The following ATF1 variants were observed in gnomAD, a reference collection of about 807,000 sequenced individuals.
ATF1 encodes the protein activating transcription factor 1.
Under a neutral mutation model 34.7 loss-of-function variants are expected in ATF1, and 16 were observed. The observed-to-expected ratio is 0.46, with a 90% CI of 0.31 to 0.70. The LOEUF (loss-of-function observed/expected upper bound fraction) is 0.70. Among genes scored for constraint, ATF1 ranks in the 30% least tolerant of loss-of-function variants. The pLI is 0.05. For synonymous variants in ATF1, 105 were observed against 113.1 expected (o/e 0.93, Z 0.46); for missense variants, 255 against 321.6 (o/e 0.79, Z 1.58).
intron 1 of ATF1, among the ~76,000 whole-genome samples, chr12:50,768,949 G>C (rs1396338889): frequency 1.3e-5 from 2 of 152,188 alleles, no homozygotes; most frequent in African/African-American, 2.4e-5. Flanking sequence ...AGCTGTGCTG[G>C]AGAGTCAGCT....
intron 2 of ATF1, among the ~76,000 whole-genome samples, chr12:50,784,119 C>A (rs957789858): frequency 6.6e-6 from 1 of 151,534 alleles, no homozygotes; most frequent in Non-Finnish European, 1.5e-5. Flanking sequence ...GCCGTGATTG[C>A]ACCATTGCAC....
chr12:50,779,490 T>A (rs1941006535), intron 1 of ATF1, among the ~76,000 whole-genome samples: 1 of 152,074 alleles, frequency 6.6e-6, no homozygotes, highest in Non-Finnish European at 1.5e-5. Flanking sequence ...TAGTTTTCAG[T>A]GCATTTCCTT....
chr12:50,810,681 A>G (rs933253515), intron 4 of ATF1, among the ~76,000 whole-genome samples: 2 of 152,116 alleles, frequency 1.3e-5, no homozygotes, highest in Non-Finnish European at 2.9e-5. Context: ...TGTGCTGCCC[A>G]TTTGTTATCT....
At chr12:50,777,789 A>G (rs1940961020) in intron 1 of ATF1, among the ~76,000 whole-genome samples, 1 of 151,712 alleles carries the variant, frequency 6.6e-6, no homozygotes, top group African/African-American at 2.4e-5. Context: ...TCAAAAAAAA[A>G]AAAATGTTTT....
chr12:50,810,006 G>C (rs1397949897), intron 4 of ATF1, among the ~76,000 whole-genome samples: 1 of 151,376 alleles, frequency 6.6e-6, no homozygotes, highest in Non-Finnish European at 1.5e-5. Flanking sequence ...GCTAATTTTT[G>C]TATTTTTAGT....
At position 50,809,593 on chromosome 12, in the gene ATF1, T is replaced by C. The variant is rs4986838; in HGVS notation, c.328+4T>C. On this transcript the variant is annotated splice_donor_region_variant and intron_variant, in intron 4 of 6. Coordinates refer to ENST00000262053, the MANE Select transcript of ATF1 (RefSeq NM_005171.5). ...CAGACTAGCAGCGGACAGTACAGTATGTATAGGAATCAGTTTCCACATTAT... is the reference window on the plus strand; with the variant it reads ...CAGACTAGCAGCGGACAGTACAGTACGTATAGGAATCAGTTTCCACATTAT... 0.38 allele frequency: 605,049 copies of C among 1,603,416 alleles called. 116,632 individuals are homozygous for C. Among genetic ancestry groups the C allele is most frequent in the Non-Finnish European group, 0.4 (466,741 of 1,173,762 alleles).
intron 1 of ATF1, among the ~76,000 whole-genome samples, chr12:50,772,690 C>G (rs537066629): frequency 6.6e-6 from 1 of 151,594 alleles, no homozygotes; most frequent in South Asian, 2.1e-4. Context: ...CTCTCTCTCT[C>G]TCTCTTTTAT....
rs561532287 is a variant in ATF1 at position 50,805,221 on chromosome 12, A to C, written c.195-4235A>C. 9.2e-5 allele frequency among the ~76,000 whole-genome samples: 14 copies of C among 152,146 alleles called. No individual in the cohort carries two copies. In the South Asian group the frequency reaches 2.9e-3, roughly 32 times the overall value. On this transcript the variant is annotated intron_variant, in intron 3 of 6. Coordinates refer to ENST00000262053, the MANE Select transcript of ATF1 (RefSeq NM_005171.5). The stretch of plus-strand genomic sequence containing the variant: ...AAATTTAAAAGAACTGAAATCATGC[A>C]CAGTATGCTCTGTGATCATACTGGA...
At position 50,795,996 on chromosome 12, in the gene ATF1, C is replaced by T. The variant is rs567759490; in HGVS notation, c.181C>T (p.Arg61Cys). The change falls in exon 3 of 7, where the codon CGC (arginine) becomes TGC (cysteine). Residue 61 changes from arginine (R) to cysteine (C), a missense_variant. Physicochemically the swap from Arg to Cys is radical, Grantham distance 180. Coordinates refer to ENST00000262053, the MANE Select transcript of ATF1 (RefSeq NM_005171.5). ...GAAAGCCCACGGGATCCTAGCACGGCGCCCATCTTACAGGTGAGTACTCTC... is the reference window on the plus strand; with the variant it reads ...GAAAGCCCACGGGATCCTAGCACGGTGCCCATCTTACAGGTGAGTACTCTC... ...SQKAHGILAR[R>C]PSYRKILKDL... The T allele has an allele frequency of 1.9e-5, 31 of 1,611,564 alleles. No individual in the cohort carries two copies. The highest frequency in any genetic ancestry group is 1.7e-4 in the Middle Eastern group (1 of 6,028).
intron 1 of ATF1, among the ~76,000 whole-genome samples, chr12:50,771,868 A>G (rs1284593545): frequency 6.6e-6 from 1 of 152,186 alleles, no homozygotes; most frequent in Non-Finnish European, 1.5e-5. Flanking sequence ...CAGCGCCATG[A>G]CAGTTCACAA....
chr12:50,806,424 C>A, intron 3 of ATF1: 1 of 478,342 alleles, frequency 2.1e-6, no homozygotes, highest in South Asian at 1.6e-5. Flanking sequence ...TGGTTCCCAT[C>A]AACACCAGGT....
intron 1 of ATF1, among the ~76,000 whole-genome samples, chr12:50,770,011 C>T (rs1940733359): frequency 6.6e-6 from 1 of 152,070 alleles, no homozygotes; most frequent in Non-Finnish European, 1.5e-5. Context: ...GTTGCTGATC[C>T]TTTGTTTTGT....
intron 4 of ATF1, among the ~76,000 whole-genome samples, chr12:50,812,886 T>A (rs1250959921): frequency 6.6e-6 from 1 of 152,042 alleles, no homozygotes; most frequent in Non-Finnish European, 1.5e-5. Flanking sequence ...AACTCATAAA[T>A]TAAAGTTGGG....
intron 2 of ATF1, among the ~76,000 whole-genome samples, chr12:50,786,942 A>AT (rs1941197270): frequency 6.6e-6 from 1 of 152,230 alleles, no homozygotes; most frequent in South Asian, 2.1e-4. Context: ...GGCAAGAACA[A>AT]TGAGAAAAAC....
intron 3 of ATF1, among the ~76,000 whole-genome samples, chr12:50,804,619 C>T (rs933081100): frequency 2.0e-5 from 3 of 152,152 alleles, no homozygotes; most frequent in Non-Finnish European, 4.4e-5. Flanking sequence ...CCACTACACT[C>T]TAGTGTGGGT....
At chr12:50,769,719 A>G (rs1454256584) in intron 1 of ATF1, among the ~76,000 whole-genome samples, 2 of 152,164 alleles carry the variant, frequency 1.3e-5, no homozygotes, top group Non-Finnish European at 2.9e-5. Context: ...TTTCCTTATC[A>G]TTTCTGGCTT....
intron 1 of ATF1, among the ~76,000 whole-genome samples, chr12:50,772,481 C>A (rs1469778975): frequency 2.0e-5 from 3 of 151,950 alleles, no homozygotes; most frequent in African/African-American, 7.3e-5. Context: ...CATGTGCCAC[C>A]ACCCCTGGCT....
intron 6 of ATF1, among the ~76,000 whole-genome samples, chr12:50,818,957 T>C (rs1373446436): frequency 6.6e-6 from 1 of 152,222 alleles, no homozygotes; most frequent in Admixed American, 6.5e-5. Flanking sequence ...TTCACAGAAA[T>C]GTTTTAAGAG....
intron 3 of ATF1, among the ~76,000 whole-genome samples, chr12:50,801,481 A>G (rs191078333): frequency 6.6e-6 from 1 of 152,370 alleles, no homozygotes; most frequent in Non-Finnish European, 1.5e-5. Context: ...AGATCAGCCA[A>G]TACTGAAGAT....
Sources: allele counts gnomAD v4.1 joint callset (sites outside exome capture counted in the v4.1 genomes callset), GRCh38; gene constraint gnomAD v4.1.1; transcripts MANE v1.5; gene names NCBI Gene and HGNC (gene_info 2026-07-23, HGNC 2026-07-21).